CTNND2: variants seen among roughly 807,000 people sequenced by gnomAD.
CTNND2 encodes catenin delta-2.
CTNND2 carries 22 observed loss-of-function variants against 144.4 expected under a neutral mutation model. That is an observed-to-expected ratio of 0.15 (90% CI 0.11 to 0.22). The LOEUF (loss-of-function observed/expected upper bound fraction) is 0.22. Among genes scored for constraint, CTNND2 ranks in the 10% least tolerant of loss-of-function variants. CTNND2 has a pLI of 1.00. For synonymous variants in CTNND2, 751 were observed against 695.6 expected (o/e 1.08, Z -1.25); for missense variants, 1,353 against 1,618.8 (o/e 0.84, Z 2.82).
chr5:11,504,799 A>T (rs1010866625), intron 3 of CTNND2, among the ~76,000 whole-genome samples: 1 of 152,130 alleles, frequency 6.6e-6, no homozygotes, highest in Non-Finnish European at 1.5e-5. Context: ...CCTCTCTGTT[A>T]TTCCTTCCCC....
At chr5:11,424,561 A>C (rs1762624148) in intron 3 of CTNND2, among the ~76,000 whole-genome samples, 1 of 152,066 alleles carries the variant, frequency 6.6e-6, no homozygotes, top group African/African-American at 2.4e-5. Context: ...GTACTACTTA[A>C]GCAAGATAAG....
At chr5:11,199,418 A>C in intron 11 of CTNND2, 30 bp downstream of exon 11, 1 of 1,577,118 alleles carries the variant, frequency 6.3e-7, no homozygotes, top group Non-Finnish European at 8.7e-7. Flanking sequence ...ATCTTGAGAT[A>C]TAATATAATA....
chr5:11,864,845 C>A (rs1050265962), intron 1 of CTNND2, among the ~76,000 whole-genome samples: 9 of 149,910 alleles, frequency 6.0e-5, no homozygotes, highest in Admixed American at 2.6e-4. Flanking sequence ...GAATCACAAA[C>A]CTGTCTGCCT....
intron 9 of CTNND2, among the ~76,000 whole-genome samples, chr5:11,285,648 A>T (rs1747645994): frequency 6.6e-6 from 1 of 152,166 alleles, no homozygotes; most frequent in African/African-American, 2.4e-5. Context: ...ACTGCAGTAG[A>T]ATGAAACGAA....
chr5:11,587,913 C>T (rs1214748148), intron 2 of CTNND2, among the ~76,000 whole-genome samples: 2 of 151,678 alleles, frequency 1.3e-5, no homozygotes, highest in African/African-American at 4.8e-5. Context: ...TGTTGGGTAT[C>T]ACAATTTTTT....
chr5:11,258,120 G>A (rs919367815), intron 9 of CTNND2, among the ~76,000 whole-genome samples: 7 of 152,172 alleles, frequency 4.6e-5, no homozygotes, highest in East Asian at 3.9e-4. Context: ...GGCAGGAAGC[G>A]AGACTCGTAC....
intron 5 of CTNND2, among the ~76,000 whole-genome samples, chr5:11,400,470 A>C (rs916380008): frequency 1.3e-5 from 2 of 152,166 alleles, no homozygotes; most frequent in Admixed American, 1.3e-4. Context: ...CCATGATAGA[A>C]TAGTCCTCAG....
At chr5:11,657,336 C>G (rs116543351) in intron 2 of CTNND2, among the ~76,000 whole-genome samples, 184 of 152,156 alleles carry the variant, frequency 1.2e-3, no homozygotes, top group Middle Eastern at 6.8e-3. Flanking sequence ...ACCAGCTTTT[C>G]CAAAAGGTAT....
chr5:11,563,054 T>G (rs911790124), intron 3 of CTNND2, among the ~76,000 whole-genome samples: 17 of 152,330 alleles, frequency 1.1e-4, no homozygotes, highest in African/African-American at 3.8e-4. Context: ...GATTTTGGCT[T>G]GCTTATTTCA....
intron 9 of CTNND2, among the ~76,000 whole-genome samples, chr5:11,340,228 G>T (rs948512541): frequency 2.6e-5 from 4 of 152,166 alleles, no homozygotes; most frequent in Non-Finnish European, 5.9e-5. Flanking sequence ...CCGCGGTACC[G>T]CTTTTGTCAC....
chr5:11,691,323 G>T (rs1282441004), intron 2 of CTNND2, among the ~76,000 whole-genome samples: 1 of 151,802 alleles, frequency 6.6e-6, no homozygotes, highest in Non-Finnish European at 1.5e-5. Context: ...AGTGAGCCGA[G>T]ATTGCGCCAC....
intron 2 of CTNND2, among the ~76,000 whole-genome samples, chr5:11,648,972 C>T (rs527888285): frequency 2.0e-5 from 3 of 152,232 alleles, no homozygotes; most frequent in Admixed American, 6.5e-5. Context: ...CACATTTTTG[C>T]GTCTAAGAGA....
intron 1 of CTNND2, among the ~76,000 whole-genome samples, chr5:11,855,486 T>C (rs1036272339): frequency 2.0e-5 from 3 of 152,156 alleles, no homozygotes; most frequent in Admixed American, 2.0e-4. Context: ...ATCCAACAGG[T>C]AAAAGCATTT....
At chr5:11,193,975 T>C (rs375021997) in intron 11 of CTNND2, among the ~76,000 whole-genome samples, 18 of 152,192 alleles carry the variant, frequency 1.2e-4, no homozygotes, top group East Asian at 5.8e-4. Flanking sequence ...TATTCAAAAC[T>C]GTTCAGAGTT....
At chr5:11,556,876 T>C (rs1159525235) in intron 3 of CTNND2, among the ~76,000 whole-genome samples, 1 of 152,158 alleles carries the variant, frequency 6.6e-6, no homozygotes, top group East Asian at 1.9e-4. Flanking sequence ...CATCAACATC[T>C]TGGGAATCTA....
At chr5:11,316,476 TA>T (rs1351896897) in intron 9 of CTNND2, among the ~76,000 whole-genome samples, 133 of 133,744 alleles carry the variant, frequency 9.9e-4, no homozygotes, top group Admixed American at 1.9e-3. Context: ...TTTTTATTAT[TA>T]TTATTATTAT....
intron 9 of CTNND2, among the ~76,000 whole-genome samples, 161 bp downstream of exon 9, chr5:11,346,211 A>G (rs1039401431): frequency 6.6e-6 from 1 of 152,220 alleles, no homozygotes; most frequent in South Asian, 2.1e-4. Context: ...CTAGGGATCC[A>G]TTGCAAGCAC....
At chr5:11,791,568 T>G (rs1271848112) in intron 1 of CTNND2, among the ~76,000 whole-genome samples, 1 of 152,206 alleles carries the variant, frequency 6.6e-6, no homozygotes, top group African/African-American at 2.4e-5. Context: ...CACTAGGTAA[T>G]GGGTGTGACT....
chr5:11,443,773 C>A (rs1204545648), intron 3 of CTNND2, among the ~76,000 whole-genome samples: 1 of 151,972 alleles, frequency 6.6e-6, no homozygotes, highest in Non-Finnish European at 1.5e-5. Context: ...TCTCTGCTAT[C>A]TCTCAAAAGT....
Sources: gnomAD v4.1 joint callset for allele counts (sites outside exome capture counted in the v4.1 genomes callset) on GRCh38, gnomAD v4.1.1 for gene constraint, MANE v1.5 for transcripts, NCBI Gene and HGNC (gene_info 2026-07-23, HGNC 2026-07-21) for gene names.